Variants in SOX5 observed in about 807,000 individuals in gnomAD.
SOX5 encodes the protein SRY-box transcription factor 5, also known as transcription factor SOX-5.
Under a neutral mutation model 92.0 loss-of-function variants are expected in SOX5, and 9 were observed. That is an observed-to-expected ratio of 0.10 (90% CI 0.06 to 0.17). The LOEUF is 0.17. Among genes scored for constraint, SOX5 ranks in the 10% least tolerant of loss-of-function variants. The probability of loss-of-function intolerance (pLI) is 1.00; values close to 1 mark genes in which losing one functional copy is unlikely to be tolerated. For missense variants in SOX5, 642 were observed against 944.5 expected, an observed-to-expected ratio of 0.68 and a Z score of 4.20; for synonymous variants, 344 against 336.3, an observed-to-expected ratio of 1.02 and a Z score of -0.25.
chr12:24,010,605 T>C, intron 4 of SOX5, among the ~76,000 whole-genome samples: 1 of 152,208 alleles, frequency 6.6e-6, no homozygotes, highest in East Asian at 1.9e-4. Context: ...TACCAAGTGC[T>C]GTGCATTTCT....
At chr12:24,368,556 T>C (rs1029845211) in intron 2 of SOX5, 4 of 152,190 alleles carry the variant, frequency 2.6e-5, no homozygotes, top group African/African-American at 7.2e-5. Context: ...ATAAACATTG[T>C]ACATACCCCA....
intron 1 of SOX5, among the ~76,000 whole-genome samples, chr12:24,442,758 G>C (rs1349723667): frequency 6.6e-6 from 1 of 151,992 alleles, no homozygotes; most frequent in Non-Finnish European, 1.5e-5. Context: ...GCAAGAGATA[G>C]GGCAGTTCAT....
upstream of SOX5, chr12:24,562,541 G>A: frequency 6.5e-6 from 1 of 153,724 alleles, no homozygotes; most frequent in Non-Finnish European, 1.4e-5. Flanking sequence ...TCGCTCGCCC[G>A]CTCGCTCGCG....
chr12:24,353,588 G>T (rs1254330572), intron 2 of SOX5, among the ~76,000 whole-genome samples: 1 of 152,056 alleles, frequency 6.6e-6, no homozygotes, highest in East Asian at 1.9e-4. Flanking sequence ...ACTGGGAAGA[G>T]TATGTGTTGG....
chr12:23,999,235 T>C (rs775801145), intron 4 of SOX5, among the ~76,000 whole-genome samples: 6 of 151,030 alleles, frequency 4.0e-5, no homozygotes, highest in Non-Finnish European at 7.4e-5. Flanking sequence ...ATCTCACTTA[T>C]ATGTAGTATC....
At chr12:24,117,343 C>A (rs543070237) in intron 4 of SOX5, among the ~76,000 whole-genome samples, 3 of 152,056 alleles carry the variant, frequency 2.0e-5, no homozygotes, top group South Asian at 2.1e-4. Context: ...AAAAGGGAAC[C>A]CTTGTACACT....
intron 2 of SOX5, among the ~76,000 whole-genome samples, chr12:23,863,311 T>A (rs185471765): frequency 6.6e-6 from 1 of 152,254 alleles, no homozygotes; most frequent in African/African-American, 2.4e-5. Context: ...TGGAAAAAAA[T>A]TACTAAATTT....
chr12:24,102,443 A>G (rs573592865), intron 4 of SOX5, among the ~76,000 whole-genome samples: 39 of 152,328 alleles, frequency 2.6e-4, no homozygotes, highest in African/African-American at 9.4e-4. Context: ...TGGCTTTAAC[A>G]TATTAGCAAA....
intron 3 of SOX5, among the ~76,000 whole-genome samples, chr12:24,254,594 G>C (rs1753803108): frequency 6.6e-6 from 1 of 151,904 alleles, no homozygotes; most frequent in African/African-American, 2.4e-5. Flanking sequence ...ACAGAAGGTA[G>C]CATGGGTACT....
chr12:24,327,504 C>T (rs991698587), intron 2 of SOX5, among the ~76,000 whole-genome samples: 1 of 146,856 alleles, frequency 6.8e-6, no homozygotes, highest in South Asian at 2.2e-4. Flanking sequence ...CAACCTCTAC[C>T]TCCCAGGTTC....
chr12:23,709,252 C>T (rs1258760282), intron 6 of SOX5, among the ~76,000 whole-genome samples: 3 of 152,008 alleles, frequency 2.0e-5, no homozygotes, highest in African/African-American at 4.8e-5. Context: ...TGGGTGAGTG[C>T]CATCATCCCC....
At chr12:24,371,871 C>A (rs1255778684) in intron 1 of SOX5, among the ~76,000 whole-genome samples, 1 of 151,968 alleles carries the variant, frequency 6.6e-6, no homozygotes, top group Non-Finnish European at 1.5e-5. Flanking sequence ...ACCTATAGTC[C>A]CAGCTACTCG....
intron 6 of SOX5, among the ~76,000 whole-genome samples, chr12:23,707,286 A>G (rs1478416338): frequency 6.6e-6 from 1 of 152,172 alleles, no homozygotes; most frequent in Non-Finnish European, 1.5e-5. Flanking sequence ...TCCAATCGTT[A>G]GCAGGTAGCA....
chr12:24,419,777 A>G (rs1405369773), intron 1 of SOX5, among the ~76,000 whole-genome samples: 2 of 152,212 alleles, frequency 1.3e-5, no homozygotes, highest in Non-Finnish European at 2.9e-5. Flanking sequence ...CTTCTAAGGG[A>G]GTTACTGTAG....
At chr12:23,984,969 T>C (rs1475382497) in intron 4 of SOX5, among the ~76,000 whole-genome samples, 1 of 152,196 alleles carries the variant, frequency 6.6e-6, no homozygotes, top group Non-Finnish European at 1.5e-5. Context: ...GCAATGACCT[T>C]GAGCAGTAGG....
At chr12:24,520,036 A>G (rs1181872303) in intron 1 of SOX5, among the ~76,000 whole-genome samples, 1 of 151,776 alleles carries the variant, frequency 6.6e-6, no homozygotes, top group Non-Finnish European at 1.5e-5. Context: ...TTCAAGTACT[A>G]AAAGAAAAAA....
chr12:23,546,508 A>T, intron 11 of SOX5, 84 bp from the exon 12 acceptor site: 1 of 739,864 alleles, frequency 1.4e-6, no homozygotes, highest in Non-Finnish European at 2.3e-6. Flanking sequence ...TATATAATAC[A>T]TTAACTCCTG....
intron 3 of SOX5, among the ~76,000 whole-genome samples, chr12:23,825,786 T>C (rs1351903243): frequency 6.6e-6 from 1 of 152,168 alleles, no homozygotes; most frequent in Non-Finnish European, 1.5e-5. Context: ...AGGTATAGTG[T>C]ATAAATATCT....
chr12:24,451,834 T>C (rs1231250041), intron 1 of SOX5, among the ~76,000 whole-genome samples: 2 of 152,234 alleles, frequency 1.3e-5, no homozygotes, highest in Admixed American at 1.3e-4. Context: ...AAGAATGGCA[T>C]GATGCCTGGG....
Sources: gnomAD v4.1 joint callset for allele counts (sites outside exome capture counted in the v4.1 genomes callset) on GRCh38, gnomAD v4.1.1 for gene constraint, MANE v1.5 for transcripts, NCBI Gene and HGNC (gene_info 2026-07-23, HGNC 2026-07-21) for gene names.